Variants in STK4 observed in about 807,000 individuals in gnomAD.
The protein encoded by STK4 is serine/threonine kinase 4, also known as serine/threonine-protein kinase 4.
A neutral mutation model predicts 64.9 loss-of-function variants in STK4; 30 were observed. That is an observed-to-expected ratio of 0.46 (90% CI 0.35 to 0.63). The LOEUF is 0.63. Ranked by LOEUF, STK4 falls within the 20% of genes least tolerant of loss-of-function variation. STK4 has a pLI of 0.01. For synonymous variants in STK4, 177 were observed against 199.0 expected (o/e 0.89, Z 0.93); for missense variants, 466 against 598.5 (o/e 0.78, Z 2.31).
At chr20:45,074,189 A>G (rs1245507138) in intron 10 of STK4, among the ~76,000 whole-genome samples, 2 of 152,176 alleles carry the variant, frequency 1.3e-5, no homozygotes, top group Admixed American at 6.5e-5. Flanking sequence ...TGGGCTGTTC[A>G]TCTGTAACAT....
chr20:44,974,124 A>G (rs865791937), intron 2 of STK4: 1 of 152,292 alleles, frequency 6.6e-6, no homozygotes, highest in Non-Finnish European at 1.5e-5. Flanking sequence ...TGTGTTGCCC[A>G]GGCTGGTCTT....
At position 45,031,956 on chromosome 20, in the gene STK4, T is replaced by C. The variant is rs562519608; in HGVS notation, c.1305+6826T>C. ...TGAAATAGAATTTAAGACAAAAGAA[T>C]GTTACCTGGGAAGGATATGTTTTAT... On this transcript the variant is annotated intron_variant, in intron 10 of 10. Coordinates refer to ENST00000372806, the MANE Select transcript of STK4 (RefSeq NM_006282.5). Among the ~76,000 whole-genome samples, 3 of 148,650 alleles carry C rather than the reference T, an allele frequency of 2.0e-5. No individual in the cohort carries two copies. In the South Asian group the frequency reaches 6.4e-4, roughly 32 times the overall value.
At chr20:44,991,866 G>T (rs1568697064) in intron 5 of STK4, among the ~76,000 whole-genome samples, 1 of 152,132 alleles carries the variant, frequency 6.6e-6, no homozygotes, top group African/African-American at 2.4e-5. Context: ...GTTTCACCAT[G>T]TTGACCAGGC....
At chr20:44,993,921 G>A (rs1195570333) in intron 5 of STK4, among the ~76,000 whole-genome samples, 1 of 151,666 alleles carries the variant, frequency 6.6e-6, no homozygotes, top group East Asian at 1.9e-4. Context: ...GGAGGTTGCA[G>A]TGAGCCAAGA....
chr20:45,012,408 G>A (rs1397651697), intron 9 of STK4, among the ~76,000 whole-genome samples: 1 of 152,090 alleles, frequency 6.6e-6, no homozygotes, highest in Non-Finnish European at 1.5e-5. Flanking sequence ...AATTGCATTG[G>A]ATACACAGAT....
chr20:45,009,440 A>G (rs189626258), intron 9 of STK4, among the ~76,000 whole-genome samples: 50 of 152,102 alleles, frequency 3.3e-4, no homozygotes, highest in Admixed American at 2.3e-3. Context: ...TGGTTACTAT[A>G]GTCTTATAGT....
rs1237976406 is a variant in STK4 at position 45,075,088 on chromosome 20, T to G, written c.1376T>G (p.Ile459Ser). 1 of 1,614,126 alleles carries G rather than the reference T, an allele frequency of 6.2e-7. No individual in the cohort carries two copies. The highest frequency in any genetic ancestry group is 1.1e-5 in the South Asian group (1 of 91,084). ...LALDPMMEQEIEEIRQKYQSK... is the reference protein window; with the variant it reads ...LALDPMMEQESEEIRQKYQSK... ...CTGGACCCCATGATGGAGCAGGAGATTGAAGAGATCCGGCAGAAGTACCAG... is the reference window on the plus strand; with the variant it reads ...CTGGACCCCATGATGGAGCAGGAGAGTGAAGAGATCCGGCAGAAGTACCAG... Residue 459 changes from isoleucine to serine, a missense_variant, in exon 11 of 11, where the codon ATT (isoleucine) becomes AGT (serine). By Grantham distance (142) the Ile-to-Ser change is moderately radical (BLOSUM62 -2). Around this residue, in one of 2 missense-constraint regions of STK4, gnomAD observed 276 missense variants for 308.9 expected, o/e 0.89. Transcript: ENST00000372806.
At chr20:45,066,017 T>C (rs1457600094) in intron 10 of STK4, among the ~76,000 whole-genome samples, 1 of 152,172 alleles carries the variant, frequency 6.6e-6, no homozygotes. Context: ...ATGCTGGCAA[T>C]TTGGATTTGC....
At chr20:45,032,571 G>C (rs2068463216) in intron 10 of STK4, among the ~76,000 whole-genome samples, 1 of 152,116 alleles carries the variant, frequency 6.6e-6, no homozygotes, top group Admixed American at 6.5e-5. Flanking sequence ...ATGGCCTCCA[G>C]CTCATCCATG....
At chr20:45,004,558 G>T (rs1265182159) in intron 9 of STK4, 1 of 149,620 alleles carries the variant, frequency 6.7e-6, no homozygotes, top group Non-Finnish European at 1.5e-5. Context: ...TAAGTTCCTT[G>T]TAGATTCTGG....
chr20:44,984,786 CT>C (rs71197588), intron 4 of STK4, among the ~76,000 whole-genome samples: 18 of 145,536 alleles, frequency 1.2e-4, no homozygotes, highest in Admixed American at 2.7e-4. Flanking sequence ...TTAATTCTTT[CT>C]TTTTTTTTTT....
chr20:44,986,236 A>C (rs1406618248), intron 4 of STK4, among the ~76,000 whole-genome samples: 1 of 152,220 alleles, frequency 6.6e-6, no homozygotes, highest in Non-Finnish European at 1.5e-5. Context: ...AAGGGAATAG[A>C]GTATGAGCTA....
chr20:45,062,867 T>G (rs529268751), intron 10 of STK4, among the ~76,000 whole-genome samples: 1 of 147,710 alleles, frequency 6.8e-6, no homozygotes, highest in African/African-American at 2.5e-5. Flanking sequence ...TTTTTTTGTA[T>G]TTTTAGTAGA....
At chr20:45,032,713 A>G (rs1199495372) in intron 10 of STK4, among the ~76,000 whole-genome samples, 3 of 152,186 alleles carry the variant, frequency 2.0e-5, no homozygotes, top group African/African-American at 7.2e-5. Context: ...GCTATTGTGA[A>G]TAGTACTGCA....
intron 4 of STK4, among the ~76,000 whole-genome samples, chr20:44,984,522 C>T (rs2067498416): frequency 6.6e-6 from 1 of 151,980 alleles, no homozygotes; most frequent in Non-Finnish European, 1.5e-5. Context: ...TTTTTAATTA[C>T]TACACGTTAT....
At chr20:45,044,641 C>T (rs1473815134) in intron 10 of STK4, among the ~76,000 whole-genome samples, 3 of 151,998 alleles carry the variant, frequency 2.0e-5, no homozygotes, top group Admixed American at 2.0e-4. Flanking sequence ...GGCAACAGAG[C>T]AAGATCGTGT....
At chr20:45,039,401 G>A (rs970977789) in intron 10 of STK4, among the ~76,000 whole-genome samples, 1 of 151,998 alleles carries the variant, frequency 6.6e-6, no homozygotes, top group Admixed American at 6.6e-5. Flanking sequence ...AGCTCACAGT[G>A]GTAGATTCAA....
intron 10 of STK4, among the ~76,000 whole-genome samples, chr20:45,055,267 ATG>A (rs1978365839): frequency 6.6e-6 from 1 of 152,122 alleles, no homozygotes; most frequent in Non-Finnish European, 1.5e-5. Context: ...TCATTTGAGT[ATG>A]TGTTTTTAAC....
At chr20:45,030,220 C>T (rs1402737450) in intron 10 of STK4, among the ~76,000 whole-genome samples, 5 of 152,084 alleles carry the variant, frequency 3.3e-5, no homozygotes, top group Non-Finnish European at 7.4e-5. Flanking sequence ...ACTTCTCTGC[C>T]TCAGCCTCCT....
Sources: gnomAD v4.1 joint callset for allele counts (sites outside exome capture counted in the v4.1 genomes callset) on GRCh38, gnomAD v4.1.1 for gene constraint, gnomAD v4.1.1 regional missense constraint, MANE v1.5 for transcripts, NCBI Gene and HGNC (gene_info 2026-07-23, HGNC 2026-07-21) for gene names.